Variants in HSPG2 observed in about 807,000 individuals in gnomAD.
The protein encoded by HSPG2 is basement membrane-specific heparan sulfate proteoglycan core protein.
HSPG2 carries 278 observed loss-of-function variants against 526.6 expected under a neutral mutation model. That is an observed-to-expected ratio of 0.53 (90% CI 0.48 to 0.58). The LOEUF (loss-of-function observed/expected upper bound fraction) is 0.58, where lower values mean the gene tolerates loss of function less well. Ranked by LOEUF, HSPG2 falls within the 20% of genes least tolerant of loss-of-function variation. The pLI is 0.00. For synonymous variants in HSPG2, 2,465 were observed against 2,555.4 expected (o/e 0.96, Z 1.07); for missense variants, 5,354 against 6,099.5 (o/e 0.88, Z 4.07).
At chr1:21,905,838 C>CTT (rs1395916615) in intron 1 of HSPG2, among the ~76,000 whole-genome samples, 1 of 152,182 alleles carries the variant, frequency 6.6e-6, no homozygotes, top group Non-Finnish European at 1.5e-5. Flanking sequence ...TAGTGAGACT[C>CTT]TGTCTCTACA....
At chr1:21,911,814 C>T (rs1272710763) in intron 1 of HSPG2, among the ~76,000 whole-genome samples, 4 of 152,166 alleles carry the variant, frequency 2.6e-5, no homozygotes, top group South Asian at 2.1e-4. Context: ...CCTCAGCTGC[C>T]GGCCAGCCCA....
chr1:21,927,919 G>A (rs1004272988), intron 1 of HSPG2, among the ~76,000 whole-genome samples: 2 of 152,218 alleles, frequency 1.3e-5, no homozygotes, highest in African/African-American at 2.4e-5. Context: ...TAGAGAAGGC[G>A]TGCCCGGCTG....
At chr1:21,880,287 G>GGACGGT in intron 16 of HSPG2, 33 bp from the exon 17 acceptor site, 2 of 1,614,098 alleles carry the variant, frequency 1.2e-6, no homozygotes, top group Non-Finnish European at 1.7e-6. Context: ...GTCGCTGCAA[G>GGACGGT]GACGGTGAGG....
chr1:21,842,760 GC>G lies in HSPG2; in HGVS notation c.8910+9del. On this transcript the variant is annotated intron_variant, in intron 67 of 96. Coordinates refer to ENST00000374695, the MANE Select transcript of HSPG2 (RefSeq NM_005529.7). ...CTGACCTGGAATCCTCCCCATCCTGGCCCCTGTACCTGGTGCCGGGCGGGGA... is the reference window on the plus strand; with the variant it reads ...CTGACCTGGAATCCTCCCCATCCTGGCCCTGTACCTGGTGCCGGGCGGGGA... 1 of 1,612,686 alleles carries G rather than the reference GC, an allele frequency of 6.2e-7. No homozygotes were observed. Among genetic ancestry groups the G allele is most frequent in the East Asian group, 2.2e-5 (1 of 44,872 alleles).
In HSPG2 at chr1:21,917,222, A is replaced by G. The variant is rs1198029991; in HGVS notation, c.63+19933T>C. ...TGAGACAGGTGGATTGCTTGAGCCC[A>G]AGAAGTTTGGGACCAGACTCAGCAA... On this transcript the variant is annotated intron_variant, in intron 1 of 96. Transcript: ENST00000374695. Among the ~76,000 whole-genome samples the G allele has an allele frequency of 2.0e-5, 3 of 152,010 alleles. No homozygotes were observed. In the East Asian group the frequency reaches 5.8e-4, roughly 29 times the overall value.
chr1:21,894,249 G>T (rs1642586230), intron 3 of HSPG2, among the ~76,000 whole-genome samples: 1 of 152,074 alleles, frequency 6.6e-6, no homozygotes, highest in Admixed American at 6.5e-5. Context: ...GGGAGGAGGG[G>T]AAGAGCCATC....
rs894437463 is a variant in HSPG2, at chr1:21,838,953, C to T, written c.10022G>A (p.Gly3341Glu). ...CAGCTCGTTCCTGGCGGTCGCCCTCCCAGGAAGGCTGCTGCCCACGCGGCT... is the reference window on the plus strand; with the variant it reads ...CAGCTCGTTCCTGGCGGTCGCCCTCTCAGGAAGGCTGCTGCCCACGCGGCT... ...QWSRVGSSLP[G>E]RATARNELLH... is the part of the protein sequence containing the mutation. Residue 3341 changes from glycine to glutamate, a missense_variant, in exon 74 of 97, where the codon GGG becomes GAG. Transcript: ENST00000374695. The T allele has an allele frequency of 2.5e-6, 4 of 1,612,652 alleles. No homozygotes were observed. Among genetic ancestry groups the T allele is most frequent in the Non-Finnish European group, 3.4e-6 (4 of 1,179,206 alleles).
At chr1:21,834,014 C>A in intron 77 of HSPG2, 89 bp from the exon 78 acceptor site, 1 of 879,954 alleles carries the variant, frequency 1.1e-6, no homozygotes, top group Non-Finnish European at 1.9e-6. Context: ...ATCTTCACAC[C>A]ACCCCTTGAA....
chr1:21,888,671 G>C (rs1434003356), intron 6 of HSPG2: 1 of 1,365,250 alleles, frequency 7.3e-7, no homozygotes, highest in Admixed American at 1.9e-5. Flanking sequence ...CTCTCACCTG[G>C]TGTCACTGCG....
Position 21,872,076 on chromosome 1 carries a change from C to T in HSPG2, c.4221+110G>A. 8.1e-7 allele frequency: 1 copy of T among 1,232,522 alleles called. No individual in the cohort carries two copies. 76.3% of individuals were successfully genotyped at this position (1,232,522 alleles called of 1,614,324 possible). A position where few individuals can be genotyped will look rare whatever the true frequency, so the allele number is the denominator to read the frequency against. Reference sequence around the variant, plus strand: ...CTATGGGACTGCAAAAGCCACGTGCCTAACCACGATATGGCCATGCAGGTG... The same window carrying T: ...CTATGGGACTGCAAAAGCCACGTGCTTAACCACGATATGGCCATGCAGGTG... On this transcript the variant is annotated intron_variant, in intron 33 of 96. Transcript: ENST00000374695. The surrounding 1 kb of genome is among the most constrained non-coding windows in gnomAD (Gnocchi z 5.5).
intron 87 of HSPG2, 26 bp downstream of exon 87, chr1:21,829,357 C>T (rs903464375): frequency 7.5e-6 from 12 of 1,604,722 alleles, no homozygotes; most frequent in African/African-American, 2.7e-5. Flanking sequence ...GTGTGCAGAG[C>T]CCCGCATTTG....
chr1:21,875,073 G>T, intron 25 of HSPG2, 71 bp from the exon 26 acceptor site: 1 of 1,127,246 alleles, frequency 8.9e-7, no homozygotes. Flanking sequence ...GTCCTCCACT[G>T]GCAGGGTCTT....
rs144217842 is a variant in HSPG2 at position 21,824,134 on chromosome 1, C to G, written c.12886G>C (p.Val4296Leu). ...DPINDGEWHRVTALREGRRGS... is the reference protein window; with the variant it reads ...DPINDGEWHRLTALREGRRGS... ...AGGGTCCCTTACCGCAGTGCTGTCA[C>G]CCGGTGCCACTCGCCGTCATTGATG... The change falls in exon 95 of 97, where the codon GTG becomes CTG. Residue 4296 changes from valine to leucine, a missense_variant. Transcript: ENST00000374695. The surrounding 1 kb of genome is among the most constrained non-coding windows in gnomAD (Gnocchi z 5.9). 587 of 1,613,320 alleles carry G rather than the reference C, an allele frequency of 3.6e-4. No homozygotes were observed. Among genetic ancestry groups the G allele is most frequent in the Non-Finnish European group, 4.7e-4 (550 of 1,180,002 alleles).
At chr1:21,880,967 G>T in intron 14 of HSPG2, 132 bp from the exon 15 acceptor site, 1 of 973,448 alleles carries the variant, frequency 1.0e-6, no homozygotes. Context: ...CAGGCACTGA[G>T]CTAGGCACAG....
intron 1 of HSPG2, among the ~76,000 whole-genome samples, chr1:21,933,005 G>A (rs1160952707): frequency 1.3e-5 from 2 of 152,178 alleles, no homozygotes; most frequent in African/African-American, 4.8e-5. Flanking sequence ...GATCATTTGA[G>A]CCCAGGAGTT....
Position 21,839,181 on chromosome 1 carries a change from G to A in HSPG2, c.9890-96C>T. 1 of 1,501,514 alleles carries A rather than the reference G, an allele frequency of 6.7e-7. No individual in the cohort carries two copies. The highest frequency in any genetic ancestry group is 9.0e-7 in the Non-Finnish European group (1 of 1,107,440). 93.0% of individuals were successfully genotyped at this position (1,501,514 alleles called of 1,614,324 possible). ...AGTGTCCAGGGAAGCTGAATGGTGA[G>A]CCCAGAGGACTGGGGATAAGGAAAG... is the stretch of plus-strand genomic sequence containing the variant. On this transcript the variant is annotated intron_variant, in intron 73 of 96. Coordinates refer to ENST00000374695, the MANE Select transcript of HSPG2 (RefSeq NM_005529.7). The surrounding 1 kb of genome is among the most constrained non-coding windows in gnomAD (Gnocchi z 4.5).
chr1:21,851,755 C>T (rs766847091), intron 54 of HSPG2, 36 bp downstream of exon 54: 1 of 1,614,028 alleles, frequency 6.2e-7, no homozygotes, highest in Admixed American at 1.7e-5. Flanking sequence ...CCAGCCTGTT[C>T]TCTGCATCCC....
chr1:21,889,706 A>G (rs767018985), intron 6 of HSPG2: 100 of 497,838 alleles, frequency 2.0e-4, no homozygotes, highest in Non-Finnish European at 3.2e-4. Context: ...TTGGACTTGG[A>G]AGTACAGGAT....
chr1:21,823,542 G>C, intron 96 of HSPG2, 54 bp from the exon 97 acceptor site: 5 of 1,609,662 alleles, frequency 3.1e-6, no homozygotes, highest in Non-Finnish European at 3.4e-6. Flanking sequence ...CAGGAGGCGA[G>C]GAAGGCTGGG....
Sources: allele counts gnomAD v4.1 joint callset (sites outside exome capture counted in the v4.1 genomes callset), GRCh38; gene constraint gnomAD v4.1.1; non-coding constraint Gnocchi (gnomAD v3.1); transcripts MANE v1.5; gene names NCBI Gene and HGNC (gene_info 2026-07-23, HGNC 2026-07-21).